The following BABAM2 variants were observed in gnomAD, a reference collection of about 807,000 sequenced individuals.
The protein encoded by BABAM2 is BRISC and BRCA1 A complex member 2, also known as BRISC and BRCA1-A complex member 2.
Under a neutral mutation model 54.7 loss-of-function variants are expected in BABAM2, and 31 were observed. The observed-to-expected ratio is 0.57, with a 90% CI of 0.43 to 0.77. The LOEUF (loss-of-function observed/expected upper bound fraction) is 0.77. Among genes scored for constraint, BABAM2 ranks in the 30% least tolerant of loss-of-function variants. The pLI, the probability that BABAM2 is intolerant of heterozygous loss-of-function variation, is 0.00. For synonymous variants in BABAM2, 167 were observed against 162.9 expected, an observed-to-expected ratio of 1.03 and a Z score of -0.19; for missense variants, 364 against 455.8, an observed-to-expected ratio of 0.80 and a Z score of 1.83.
chr2:28,218,986 G>A (rs1373576852), intron 7 of BABAM2, among the ~76,000 whole-genome samples: 8 of 152,150 alleles, frequency 5.3e-5, no homozygotes, highest in African/African-American at 1.9e-4. Context: ...AAAAACAGTT[G>A]TATTTTGAAT....
At chr2:27,994,500 A>G (rs544964913) in intron 4 of BABAM2, among the ~76,000 whole-genome samples, 145 of 152,298 alleles carry the variant, frequency 9.5e-4, no homozygotes, top group African/African-American at 3.4e-3. Context: ...CTCAGAGTAA[A>G]CACTATGCTG....
rs193034930 is a variant in BABAM2 at position 27,928,993 on chromosome 2, A to T, written c.129-839A>T. Reference sequence around the variant, plus strand: ...CTTTGGGAGGCTAGGTGGGAGGAGGATCACTTGAGCCCAGGAGTTCGAGAC... The same window carrying T: ...CTTTGGGAGGCTAGGTGGGAGGAGGTTCACTTGAGCCCAGGAGTTCGAGAC... On this transcript the variant is annotated intron_variant, in intron 2 of 11. Transcript: ENST00000379624. 3.1e-3 allele frequency among the ~76,000 whole-genome samples: 457 copies of T among 148,438 alleles called. 1 individual carries two copies. The highest frequency in any genetic ancestry group is 0.011 in the African/African-American group (445 of 40,386).
chr2:28,201,969 G>A (rs1678324886), intron 7 of BABAM2, among the ~76,000 whole-genome samples: 1 of 152,164 alleles, frequency 6.6e-6, no homozygotes, highest in South Asian at 2.1e-4. Flanking sequence ...AATCATATGG[G>A]ATGAGCCACG....
intron 6 of BABAM2, among the ~76,000 whole-genome samples, chr2:28,049,176 T>TA (rs1677819472): frequency 2.0e-5 from 3 of 152,196 alleles, no homozygotes; most frequent in Non-Finnish European, 4.4e-5. Context: ...GTAAGCCAGT[T>TA]TTATACAGAA....
At position 28,264,054 on chromosome 2, in the gene BABAM2, T is replaced by C. The variant is rs114269061; in HGVS notation, c.934+19192T>C. On this transcript the variant is annotated intron_variant, in intron 10 of 11. Transcript: ENST00000379624. The stretch of plus-strand genomic sequence containing the variant: ...TAAATGCCAACCACCCATCAATTTT[T>C]GCTCTAAACCATTGTCTCGTTTCAG... Among the ~76,000 whole-genome samples, 530 of 152,354 alleles carry C rather than the reference T, an allele frequency of 3.5e-3. 4 individuals carry two copies. Among genetic ancestry groups the C allele is most frequent in the Non-Finnish European group, 5.8e-3 (396 of 68,024 alleles).
rs1462504607 is a variant in BABAM2, at chr2:28,325,730, C to T, written c.1089-12720C>T. Reference sequence around the variant, plus strand: ...GCCCCTCCCCCACATCCTCAAACACCCAGCCAGGGGGGTGAATGTCCCAGA... The same window carrying T: ...GCCCCTCCCCCACATCCTCAAACACTCAGCCAGGGGGGTGAATGTCCCAGA... On this transcript the variant is annotated intron_variant, in intron 11 of 11. Coordinates refer to ENST00000379624, the MANE Select transcript of BABAM2 (RefSeq NM_199191.3). This position sits in a 1 kb window ranked among gnomAD's most constrained non-coding sequence, Gnocchi z 4.3. Among the ~76,000 whole-genome samples, 1 of 152,182 alleles carries T rather than the reference C, an allele frequency of 6.6e-6. No individual in the cohort carries two copies. The highest frequency in any genetic ancestry group is 1.5e-5 in the Non-Finnish European group (1 of 68,042).
intron 2 of BABAM2, among the ~76,000 whole-genome samples, chr2:27,910,001 G>A (rs894330189): frequency 1.3e-5 from 2 of 152,192 alleles, no homozygotes; most frequent in African/African-American, 4.8e-5. Flanking sequence ...GGCAGATGAG[G>A]TAACTGAAAC....
chr2:28,019,806 G>A (rs1675118079), intron 4 of BABAM2, among the ~76,000 whole-genome samples: 1 of 152,176 alleles, frequency 6.6e-6, no homozygotes, highest in Non-Finnish European at 1.5e-5. Flanking sequence ...ATGGCTGTAA[G>A]TATTTGGCTT....
chr2:28,138,965 G>A (rs1458398633), intron 7 of BABAM2, among the ~76,000 whole-genome samples: 1 of 152,094 alleles, frequency 6.6e-6, no homozygotes, highest in Non-Finnish European at 1.5e-5. Context: ...GACAGACCAT[G>A]CAGGAAAACT....
At chr2:27,902,462 T>C (rs1490904475) in intron 2 of BABAM2, among the ~76,000 whole-genome samples, 9 of 152,216 alleles carry the variant, frequency 5.9e-5, no homozygotes, top group Non-Finnish European at 8.8e-5. Context: ...GTATACATCT[T>C]CTATTTTATT....
chr2:28,294,940 A>C (rs903668108), intron 10 of BABAM2, among the ~76,000 whole-genome samples: 1 of 152,234 alleles, frequency 6.6e-6, no homozygotes, highest in African/African-American at 2.4e-5. Context: ...ACTTTGTTAG[A>C]CAAATCTCCA....
chr2:28,084,835 C>T (rs1365524137), intron 6 of BABAM2, among the ~76,000 whole-genome samples: 3 of 152,098 alleles, frequency 2.0e-5, no homozygotes, highest in Non-Finnish European at 4.4e-5. Flanking sequence ...AGGAACTTAA[C>T]GTAACCTTAA....
rs189255093 is a variant in BABAM2, at chr2:28,229,809, A to T, written c.681-7393A>T. 1.5e-4 allele frequency among the ~76,000 whole-genome samples: 23 copies of T among 151,876 alleles called. No homozygotes were observed. In the East Asian group the frequency reaches 4.5e-3, roughly 30 times the overall value. ...ACCATGTTGACCAGGCTGGTCTCAAACTCCTGATCTCAAGTGGTCCACCTG... is the reference window on the plus strand; with the variant it reads ...ACCATGTTGACCAGGCTGGTCTCAATCTCCTGATCTCAAGTGGTCCACCTG... On this transcript the variant is annotated intron_variant, in intron 7 of 11. Coordinates refer to ENST00000379624, the MANE Select transcript of BABAM2 (RefSeq NM_199191.3).
intron 6 of BABAM2, among the ~76,000 whole-genome samples, chr2:28,072,921 A>G (rs1664300271): frequency 6.6e-6 from 1 of 152,164 alleles, no homozygotes. Context: ...TTTCAACTGT[A>G]TCTCCTCTCC....
intron 6 of BABAM2, among the ~76,000 whole-genome samples, chr2:28,068,457 A>G (rs921608627): frequency 6.6e-6 from 1 of 152,160 alleles, no homozygotes; most frequent in African/African-American, 2.4e-5. Flanking sequence ...TTAAGTTATA[A>G]AACTTAATCA....
intron 6 of BABAM2, among the ~76,000 whole-genome samples, chr2:28,078,600 G>A (rs1039563926): frequency 2.0e-5 from 3 of 152,156 alleles, no homozygotes; most frequent in African/African-American, 7.2e-5. Context: ...CTTGGAACAT[G>A]TTTCCCATGG....
chr2:28,010,262 T>G (rs1257596109), intron 4 of BABAM2, among the ~76,000 whole-genome samples: 1 of 152,196 alleles, frequency 6.6e-6, no homozygotes, highest in Non-Finnish European at 1.5e-5. Context: ...AGATCCATTT[T>G]AACTTAAATT....
intron 4 of BABAM2, among the ~76,000 whole-genome samples, chr2:27,994,664 A>C (rs1673012238): frequency 6.6e-6 from 1 of 152,192 alleles, no homozygotes; most frequent in African/African-American, 2.4e-5. Context: ...ATAGTATTCT[A>C]TTGTATGAGC....
chr2:28,075,258 G>A (rs887427219), intron 6 of BABAM2, among the ~76,000 whole-genome samples: 3 of 152,150 alleles, frequency 2.0e-5, no homozygotes, highest in Admixed American at 2.0e-4. Flanking sequence ...TGTCTGGATT[G>A]GACTGCACCT....
Sources: gnomAD v4.1 joint callset for allele counts (sites outside exome capture counted in the v4.1 genomes callset) on GRCh38, gnomAD v4.1.1 for gene constraint, Gnocchi (gnomAD v3.1) non-coding constraint, MANE v1.5 for transcripts, NCBI Gene and HGNC (gene_info 2026-07-23, HGNC 2026-07-21) for gene names.